Variants in GLDN observed in about 807,000 individuals in gnomAD.
GLDN encodes gliomedin.
Under a neutral mutation model 56.5 loss-of-function variants are expected in GLDN, and 47 were observed. The ratio of observed to expected loss-of-function variants is 0.83; its 90% CI spans 0.66 to 1.06. GLDN has a LOEUF of 1.06. Among genes scored for constraint, GLDN ranks in the 50% least tolerant of loss-of-function variants. The probability of loss-of-function intolerance (pLI) is 0.00; values close to 1 mark genes in which losing one functional copy is unlikely to be tolerated. For synonymous variants in GLDN, 332 were observed against 278.8 expected, an observed-to-expected ratio of 1.19 and a Z score of -1.90; for missense variants, 782 against 714.3, an observed-to-expected ratio of 1.09 and a Z score of -1.08.
chr15:51,354,306 G>T (rs924185211), intron 1 of GLDN, among the ~76,000 whole-genome samples: 11 of 152,056 alleles, frequency 7.2e-5, no homozygotes, highest in East Asian at 1.9e-4. Flanking sequence ...TAATTCCCTG[G>T]TTTTTTTTGT....
At chr15:51,379,629 A>G (rs951191408) in intron 2 of GLDN, among the ~76,000 whole-genome samples, 3 of 152,214 alleles carry the variant, frequency 2.0e-5, no homozygotes, top group South Asian at 2.1e-4. Context: ...GTTCATGGCC[A>G]TCACAGACCT....
intron 1 of GLDN, among the ~76,000 whole-genome samples, chr15:51,369,635 A>G (rs2037474726): frequency 6.6e-6 from 1 of 152,222 alleles, no homozygotes; most frequent in Admixed American, 6.5e-5. Context: ...AGCTTACCAC[A>G]TTTAGCTCTA....
In GLDN at chr15:51,349,989, C is replaced by T. The variant is rs1377019438; in HGVS notation, c.363+7942C>T. On this transcript the variant is annotated intron_variant, in intron 1 of 9. Coordinates refer to ENST00000335449, the MANE Select transcript of GLDN (RefSeq NM_181789.4). ...TGATCTCCTGACCTCGTGATCTGCC[C>T]GCCTCAGCCTCCCAAAGTGCTGAGA... Among the ~76,000 whole-genome samples the T allele has an allele frequency of 3.9e-5, 6 of 152,190 alleles. No individual in the cohort carries two copies. In the East Asian group the frequency reaches 1.2e-3, roughly 29 times the overall value.
chr15:51,374,546 C>G (rs184034424), intron 1 of GLDN, among the ~76,000 whole-genome samples: 1 of 152,112 alleles, frequency 6.6e-6, no homozygotes, highest in Non-Finnish European at 1.5e-5. Flanking sequence ...ATGATGGCAT[C>G]TCTCTAAGCC....
intron 4 of GLDN, among the ~76,000 whole-genome samples, chr15:51,385,998 G>A (rs1174948264): frequency 6.6e-6 from 1 of 152,212 alleles, no homozygotes; most frequent in Non-Finnish European, 1.5e-5. Context: ...GCTGTGCTGA[G>A]AGGCTATAGG....
chr15:51,377,412 C>T (rs1178486216), intron 1 of GLDN, 37 bp from the exon 2 acceptor site: 2 of 1,572,994 alleles, frequency 1.3e-6, no homozygotes, highest in East Asian at 2.2e-5. Flanking sequence ...GGGCCTGCTG[C>T]CCACTGTCTG....
chr15:51,400,167 CT>C (rs753149703), intron 6 of GLDN, 24 bp from the exon 7 acceptor site: 1 of 1,606,938 alleles, frequency 6.2e-7, no homozygotes, highest in Non-Finnish European at 8.5e-7. Context: ...CGTATCGGCT[CT>C]GATGATTATT....
chr15:51,351,166 G>T, intron 1 of GLDN: 1 of 294,110 alleles, frequency 3.4e-6, no homozygotes, highest in South Asian at 3.9e-5. Flanking sequence ...TGCATCTCTT[G>T]ATAGCTAGCC....
At chr15:51,368,771 T>C (rs986600386) in intron 1 of GLDN, among the ~76,000 whole-genome samples, 2 of 152,146 alleles carry the variant, frequency 1.3e-5, no homozygotes, top group African/African-American at 4.8e-5. Flanking sequence ...ATGTCATATA[T>C]TCTTTCTTAA....
intron 1 of GLDN, among the ~76,000 whole-genome samples, chr15:51,371,106 G>T (rs563237513): frequency 7.9e-5 from 12 of 152,050 alleles, no homozygotes; most frequent in Non-Finnish European, 1.5e-4. Flanking sequence ...GCTTTTTTGT[G>T]TACTTATACA....
chr15:51,356,821 A>T lies in GLDN; in HGVS notation c.363+14774A>T, dbSNP rs554582994. ...AGTGCCTAGAACTCAATATATTTTC[A>T]CTCATCAATATTATTTTAGTATTTT... On this transcript the variant is annotated intron_variant, in intron 1 of 9. Transcript: ENST00000335449. Among the ~76,000 whole-genome samples the T allele has an allele frequency of 5.3e-5, 8 of 152,168 alleles. No individual in the cohort carries two copies. The East Asian group carries it at 1.5e-3, about 29-fold the overall frequency.
downstream of GLDN, among the ~76,000 whole-genome samples, chr15:51,409,502 C>T (rs2038442476): frequency 6.6e-6 from 1 of 152,164 alleles, no homozygotes; most frequent in Admixed American, 6.5e-5. Flanking sequence ...ACTGTTTCCT[C>T]CAAACACTCT....
intron 4 of GLDN, among the ~76,000 whole-genome samples, chr15:51,391,757 T>C (rs948069829): frequency 3.9e-5 from 6 of 152,148 alleles, no homozygotes; most frequent in African/African-American, 1.4e-4. Context: ...TTGACCCCCA[T>C]ATCACTGAAT....
At chr15:51,344,112 G>A (rs2036935232) in intron 1 of GLDN, among the ~76,000 whole-genome samples, 1 of 152,182 alleles carries the variant, frequency 6.6e-6, no homozygotes, top group Non-Finnish European at 1.5e-5. Flanking sequence ...TGCTACCAAT[G>A]CTACTGGCCT....
At chr15:51,396,807 G>A (rs566234447) in intron 5 of GLDN, among the ~76,000 whole-genome samples, 6 of 152,270 alleles carry the variant, frequency 3.9e-5, no homozygotes, top group Admixed American at 2.0e-4. Context: ...TTCGACCCAC[G>A]TATCAAGGAA....
chr15:51,386,362 G>A (rs948204501), intron 4 of GLDN, among the ~76,000 whole-genome samples: 23 of 152,142 alleles, frequency 1.5e-4, no homozygotes, highest in Non-Finnish European at 2.8e-4. Context: ...GCTGCAGAGC[G>A]AGAGCCACAT....
intron 1 of GLDN, 105 bp downstream of exon 1, chr15:51,342,152 G>A (rs1595795891): frequency 1.4e-6 from 2 of 1,406,070 alleles, no homozygotes; most frequent in South Asian, 2.4e-5. Flanking sequence ...GCTGCGAGGT[G>A]CTGCGGAGAG....
At position 51,391,054 on chromosome 15, in the gene GLDN, A is replaced by G. The variant is rs574539796; in HGVS notation, c.542-3781A>G. 3.3e-5 allele frequency among the ~76,000 whole-genome samples: 5 copies of G among 152,332 alleles called. No individual in the cohort carries two copies. In the East Asian group the frequency reaches 5.8e-4, roughly 18 times the overall value. ...CAGGGCAATTTTACTGACAAAGACG[A>G]GGGGATGCTTTGTCAGCACTATAGT... On this transcript the variant is annotated intron_variant, in intron 4 of 9. Coordinates refer to ENST00000335449, the MANE Select transcript of GLDN (RefSeq NM_181789.4).
intron 1 of GLDN, among the ~76,000 whole-genome samples, chr15:51,373,230 C>A (rs1273660708): frequency 2.6e-5 from 4 of 152,182 alleles, no homozygotes; most frequent in Non-Finnish European, 5.9e-5. Flanking sequence ...AGTCATTCCT[C>A]AGTATCTGTG....
Sources: allele counts gnomAD v4.1 joint callset (sites outside exome capture counted in the v4.1 genomes callset), GRCh38; gene constraint gnomAD v4.1.1; transcripts MANE v1.5; gene names NCBI Gene and HGNC (gene_info 2026-07-23, HGNC 2026-07-21).